The following ACADM variants were observed in gnomAD, a reference collection of about 807,000 sequenced individuals.
ACADM encodes the protein medium-chain specific acyl-CoA dehydrogenase, mitochondrial.
Under a neutral mutation model 58.9 loss-of-function variants are expected in ACADM, and 49 were observed. That is an observed-to-expected ratio of 0.83 (90% CI 0.66 to 1.06). The LOEUF (loss-of-function observed/expected upper bound fraction) is 1.06, where lower values mean the gene tolerates loss of function less well. ACADM is among the 50% of genes least tolerant of loss of function. The probability of loss-of-function intolerance (pLI) is 0.00; values close to 1 mark genes in which losing one functional copy is unlikely to be tolerated. For missense variants in ACADM, 496 were observed against 507.0 expected (o/e 0.98, Z 0.21); for synonymous variants, 160 against 157.7 (o/e 1.01, Z -0.11).
chr1:75,730,861 T>C (rs1268891040), intron 2 of ACADM, among the ~76,000 whole-genome samples: 1 of 152,142 alleles, frequency 6.6e-6, no homozygotes, highest in African/African-American at 2.4e-5. Flanking sequence ...AAGATTGCTA[T>C]CAACTGGCAC....
intron 7 of ACADM, among the ~76,000 whole-genome samples, chr1:75,742,203 C>T (rs962964742): frequency 1.6e-4 from 24 of 146,234 alleles, no homozygotes; most frequent in Non-Finnish European, 3.0e-4. Context: ...AAAAGGCACT[C>T]TCTACTGGCC....
Position 75,734,859 on chromosome 1 carries a change from G to A in ACADM, c.456G>A (p.Glu152=), listed in dbSNP as rs771055994. The part of the protein sequence containing the change: ...KKKYLGRMTE[E]PLMCAYCVTE... ...AGTATTTGGGGAGAATGACTGAGGA[G>A]CCATTGATGTGTGTGAGTATGTGTA... Residue 152 remains glutamate (E), a synonymous_variant, in exon 6 of 12, where the codon GAG becomes GAA. Coordinates refer to ENST00000370841, the MANE Select transcript of ACADM (RefSeq NM_000016.6). The A allele has an allele frequency of 9.9e-6, 16 of 1,613,018 alleles. No homozygotes were observed. Among genetic ancestry groups the A allele is most frequent in the Non-Finnish European group, 1.3e-5 (15 of 1,179,206 alleles).
Position 75,724,747 on chromosome 1 carries a change from A to C in ACADM, c.-41A>C, listed in dbSNP as rs1436831167. 2 of 1,541,750 alleles carry C rather than the reference A, an allele frequency of 1.3e-6. No individual in the cohort carries two copies. The highest frequency in any genetic ancestry group is 1.4e-5 in the African/African-American group (1 of 70,254). On this transcript the variant is annotated 5_prime_UTR_variant, in exon 1 of 12. An upstream open reading frame in the 5' UTR loses its in-frame stop. Coordinates refer to ENST00000370841, the MANE Select transcript of ACADM (RefSeq NM_000016.6). ...GTTCGGGGAGTATGTCAAGGCCGTG[A>C]CCCGTGTATTATTGTCCGAGTGGCC...
intron 6 of ACADM, among the ~76,000 whole-genome samples, chr1:75,737,282 A>T (rs1189442612): frequency 1.5e-4 from 2 of 13,602 alleles, no homozygotes; most frequent in African/African-American, 1.0e-3. Context: ...ACACACAAAT[A>T]TATATATATA....
chr1:75,743,533 A>G lies in ACADM; in HGVS notation c.600-2273A>G, dbSNP rs894085581. 6.8e-6 allele frequency: 11 copies of G among 1,606,850 alleles called. No individual in the cohort carries two copies. In the African/African-American group the frequency reaches 9.4e-5, roughly 14 times the overall value. ...GTGATCATAGGTCAGTGCCACGTAC[A>G]TCATGGGCTGCACCTCTACCTTGCC... On this transcript the variant is annotated intron_variant, in intron 7 of 11. Coordinates refer to ENST00000370841, the MANE Select transcript of ACADM (RefSeq NM_000016.6).
chr1:75,733,523 T>G lies in ACADM; in HGVS notation c.287-5T>G. 6.2e-7 allele frequency: 1 copy of G among 1,609,080 alleles called. No homozygotes were observed. Among genetic ancestry groups the G allele is most frequent in the Non-Finnish European group, 8.5e-7 (1 of 1,175,458 alleles). ...ACAATGTGTTGAAACATTTTGATAC[T>G]GTAGGAGGTCTTGGACTTGGAACTT... On this transcript the variant is annotated splice_region_variant and splice_polypyrimidine_tract_variant and intron_variant, in intron 4 of 11. Transcript: ENST00000370841.
intron 11 of ACADM, among the ~76,000 whole-genome samples, chr1:75,762,250 C>A (rs900161602): frequency 1.3e-5 from 2 of 151,728 alleles, no homozygotes; most frequent in Non-Finnish European, 2.9e-5. Flanking sequence ...TCTTGAAATC[C>A]TTCCAGCATC....
At chr1:75,760,878 C>T (rs1314635275) in intron 10 of ACADM, among the ~76,000 whole-genome samples, 4 of 151,962 alleles carry the variant, frequency 2.6e-5, no homozygotes, top group Non-Finnish European at 4.4e-5. Flanking sequence ...CTGGGTGTAA[C>T]TTCTATAAAC....
At chr1:75,745,642 A>G (rs1020774756) in intron 7 of ACADM, 164 bp from the exon 8 acceptor site, 1 of 662,108 alleles carries the variant, frequency 1.5e-6, no homozygotes, top group Non-Finnish European at 2.7e-6. Flanking sequence ...TCTTCCATAT[A>G]CTAGGTACGT....
intron 1 of ACADM, among the ~76,000 whole-genome samples, chr1:75,725,643 A>G (rs528691604): frequency 4.1e-4 from 62 of 152,336 alleles, no homozygotes; most frequent in African/African-American, 1.3e-3. Flanking sequence ...TTTAACCCAT[A>G]AAACTGACAC....
At chr1:75,747,834 C>T (rs1647981178) in intron 8 of ACADM, among the ~76,000 whole-genome samples, 1 of 152,038 alleles carries the variant, frequency 6.6e-6, no homozygotes, top group Admixed American at 6.6e-5. Context: ...TTGAGATGAG[C>T]CCAGGAAGCA....
Position 75,724,767 on chromosome 1 carries a change from G to A in ACADM, c.-21G>A, listed in dbSNP as rs1357043088. ...CCGTGACCCGTGTATTATTGTCCGA[G>A]TGGCCGGAACGGGAGCCAACATGGC... On this transcript the variant is annotated 5_prime_UTR_variant, in exon 1 of 12. The change creates a new upstream start codon in the 5' untranslated region. Coordinates refer to ENST00000370841, the MANE Select transcript of ACADM (RefSeq NM_000016.6). 6.5e-7 allele frequency: 1 copy of A among 1,531,792 alleles called. No homozygotes were observed. Among genetic ancestry groups the A allele is most frequent in the South Asian group, 1.2e-5 (1 of 81,276 alleles). The allele number at this position is 1,531,792 out of a possible 1,614,324, so 94.9% of individuals were successfully genotyped here.
chr1:75,746,881 G>A (rs924864668), intron 8 of ACADM, among the ~76,000 whole-genome samples: 2 of 152,172 alleles, frequency 1.3e-5, no homozygotes, highest in Non-Finnish European at 2.9e-5. Flanking sequence ...TTACAGGCAT[G>A]AGCCACTGCG....
Position 75,762,758 on chromosome 1 carries a change from A to T in ACADM, c.1261A>T (p.Asn421Tyr). 1 of 1,572,950 alleles carries T rather than the reference A, an allele frequency of 6.4e-7. No individual in the cohort carries two copies. The highest frequency in any genetic ancestry group is 1.3e-5 in the African/African-American group (1 of 74,172). ...CCGTGAACACATTGACAAGTACAAA[A>T]ATTAAAAAAATTACTGTAGAAATAT... The part of the protein sequence containing the change: ...VAREHIDKYK[N>Y] The change falls in exon 12 of 12, where the codon AAT becomes TAT. Residue 421 changes from asparagine to tyrosine, a missense_variant. Physicochemically the swap from Asn to Tyr is moderately radical, Grantham distance 143. Transcript: ENST00000370841.
chr1:75,737,311 T>TATATATATATAC (rs1557448514), intron 6 of ACADM, among the ~76,000 whole-genome samples: 20 of 101,288 alleles, frequency 2.0e-4, no homozygotes, highest in African/African-American at 5.9e-4. Flanking sequence ...TATATATATA[T>TATATATATATAC]ATATATATAT....
At chr1:75,732,363 C>G (rs1253158244) in intron 2 of ACADM, among the ~76,000 whole-genome samples, 2 of 152,070 alleles carry the variant, frequency 1.3e-5, no homozygotes, top group African/African-American at 2.4e-5. Context: ...TTTTATATCA[C>G]CAATTGGAAA....
intron 10 of ACADM, among the ~76,000 whole-genome samples, chr1:75,759,239 C>T (rs893578124): frequency 6.6e-6 from 1 of 152,230 alleles, no homozygotes; most frequent in African/African-American, 2.4e-5. Flanking sequence ...GGCTTCATTA[C>T]ATAGGCATGA....
intron 4 of ACADM, chr1:75,733,196 A>G (rs749508931): frequency 1.3e-5 from 21 of 1,605,152 alleles, no homozygotes; most frequent in African/African-American, 5.4e-5. Context: ...TTTTATTCCT[A>G]TCTTCTATAT....
At chr1:75,739,170 A>G (rs1185335376) in intron 6 of ACADM, among the ~76,000 whole-genome samples, 1 of 152,130 alleles carries the variant, frequency 6.6e-6, no homozygotes, top group Admixed American at 6.6e-5. Context: ...CCCTCCTCGC[A>G]AAGAAGCCAT....
Sources: allele counts gnomAD v4.1 joint callset (sites outside exome capture counted in the v4.1 genomes callset), GRCh38; gene constraint gnomAD v4.1.1; transcripts MANE v1.5; gene names NCBI Gene and HGNC (gene_info 2026-07-23, HGNC 2026-07-21).